Variants in DLGAP4 observed in about 807,000 individuals in gnomAD.
The protein encoded by DLGAP4 is disks large-associated protein 4.
DLGAP4 carries 18 observed loss-of-function variants against 86.9 expected under a neutral mutation model. The ratio of observed to expected loss-of-function variants is 0.21; its 90% CI spans 0.14 to 0.31. The LOEUF (loss-of-function observed/expected upper bound fraction) is 0.31, where lower values mean the gene tolerates loss of function less well. DLGAP4 is among the 10% of genes least tolerant of loss of function. The pLI is 1.00. For synonymous variants in DLGAP4, 548 were observed against 574.3 expected (o/e 0.95, Z 0.65); for missense variants, 1,085 against 1,362.6 (o/e 0.80, Z 3.21).
At chr20:36,404,736 A>G (rs1293592636) in intron 2 of DLGAP4, among the ~76,000 whole-genome samples, 1 of 148,846 alleles carries the variant, frequency 6.7e-6, no homozygotes, top group East Asian at 2.0e-4. Context: ...ATGTTTACAA[A>G]TATTTGTTGG....
At chr20:36,330,047 A>AAGACACAC (rs1251829741) in intron 1 of DLGAP4, among the ~76,000 whole-genome samples, 1 of 152,048 alleles carries the variant, frequency 6.6e-6, no homozygotes, top group Non-Finnish European at 1.5e-5. Flanking sequence ...AAAAGACTGA[A>AAGACACAC]AGACACACAC....
At chr20:36,444,096 A>G (rs1285319460) in intron 6 of DLGAP4, among the ~76,000 whole-genome samples, 2 of 152,212 alleles carry the variant, frequency 1.3e-5, no homozygotes, top group Non-Finnish European at 2.9e-5. Flanking sequence ...GGGTCTCTTC[A>G]TAACTTCAGG....
chr20:36,523,568 G>C (rs1214821404), intron 10 of DLGAP4, among the ~76,000 whole-genome samples: 1 of 152,158 alleles, frequency 6.6e-6, no homozygotes, highest in Non-Finnish European at 1.5e-5. Context: ...CCTGTTCTTT[G>C]AAAGTTTTTA....
Position 36,436,263 on chromosome 20 carries a change from C to G in DLGAP4, c.1154C>G (p.Pro385Arg). 6.2e-7 allele frequency: 1 copy of G among 1,605,938 alleles called. No homozygotes were observed. The change falls in exon 4 of 13, where the codon CCC becomes CGC. Residue 385 changes from proline to arginine, a missense_variant. Coordinates refer to ENST00000339266, the MANE Select transcript of DLGAP4 (RefSeq NM_001365621.2). Reference protein sequence around the residue: ...DEDSDESGGSPKPSPKTAARR... With the variant: ...DEDSDESGGSRKPSPKTAARR... ...GACAGCGACGAGTCCGGCGGCAGCCCCAAGCCCTCACCCAAGACCGCGGCG... is the reference window on the plus strand; with the variant it reads ...GACAGCGACGAGTCCGGCGGCAGCCGCAAGCCCTCACCCAAGACCGCGGCG...
At chr20:36,424,393 G>A (rs1207648906) in intron 2 of DLGAP4, among the ~76,000 whole-genome samples, 1 of 152,174 alleles carries the variant, frequency 6.6e-6, no homozygotes, top group Non-Finnish European at 1.5e-5. Context: ...AGCAGGTCAG[G>A]GTGGGTGGGA....
chr20:36,502,036 T>C (rs936690451), intron 10 of DLGAP4, among the ~76,000 whole-genome samples: 3 of 152,224 alleles, frequency 2.0e-5, no homozygotes, highest in African/African-American at 7.2e-5. Flanking sequence ...ATATATCTTT[T>C]AAAAAATGTG....
intron 1 of DLGAP4, among the ~76,000 whole-genome samples, chr20:36,307,969 C>T (rs2065020026): frequency 6.6e-6 from 1 of 152,224 alleles, no homozygotes; most frequent in Non-Finnish European, 1.5e-5. Context: ...CTGCCTGGTC[C>T]CAGGGTGGGG....
chr20:36,348,531 G>A (rs566020964), intron 1 of DLGAP4, among the ~76,000 whole-genome samples: 19 of 151,786 alleles, frequency 1.3e-4, no homozygotes, highest in African/African-American at 3.6e-4. Flanking sequence ...CAATTCTCCC[G>A]CCTCAGCCTC....
intron 5 of DLGAP4, among the ~76,000 whole-genome samples, chr20:36,442,441 G>T (rs986828855): frequency 6.6e-6 from 1 of 152,136 alleles, no homozygotes; most frequent in African/African-American, 2.4e-5. Context: ...TGATCCACCC[G>T]CCTCGACCTC....
rs555699808 is a variant in DLGAP4 at position 36,333,166 on chromosome 20, C to T, written c.-304+26654C>T. On this transcript the variant is annotated intron_variant, in intron 1 of 12. Coordinates refer to ENST00000339266, the MANE Select transcript of DLGAP4 (RefSeq NM_001365621.2). ...GAGACCTTGGCCTTGCAGTGGATTC[C>T]GAGGCCATCTGGTCCCACTTTGAGG... 5.3e-5 allele frequency among the ~76,000 whole-genome samples: 8 copies of T among 152,146 alleles called. No homozygotes were observed. In the East Asian group the frequency reaches 1.4e-3, roughly 26 times the overall value.
chr20:36,475,177 G>A (rs2034854029), intron 7 of DLGAP4, among the ~76,000 whole-genome samples: 1 of 152,164 alleles, frequency 6.6e-6, no homozygotes. Context: ...AAAGAGGTGT[G>A]ATAATGAATG....
rs746302526 is a variant in DLGAP4 at position 36,500,508 on chromosome 20, C to T, written c.2409C>T (p.Asp803=). 5.5e-5 allele frequency: 87 copies of T among 1,592,116 alleles called. 1 individual carries two copies. Among genetic ancestry groups the T allele is most frequent in the African/African-American group, 9.4e-5 (7 of 74,148 alleles). ...EPAQPGACRR[D]GYWFLKLLQA... ...CACAGCCAGGGGCCTGCCGCCGAGA[C>T]GGCTACTGGTTCCTAAAGCTACTGC... Residue 803 remains aspartate (D), a synonymous_variant, in exon 10 of 13, where the codon GAC becomes GAT. Coordinates refer to ENST00000339266, the MANE Select transcript of DLGAP4 (RefSeq NM_001365621.2). This position sits in a 1 kb window ranked among gnomAD's most constrained non-coding sequence, Gnocchi z 4.6.
intron 2 of DLGAP4, among the ~76,000 whole-genome samples, chr20:36,402,750 AAT>A (rs1491133666): frequency 6.6e-6 from 1 of 152,082 alleles, no homozygotes; most frequent in African/African-American, 2.4e-5. Context: ...CATAAAAAAA[AAT>A]TTTTTTTTAT....
chr20:36,423,310 GC>G (rs2032880140), intron 2 of DLGAP4, among the ~76,000 whole-genome samples: 1 of 151,594 alleles, frequency 6.6e-6, no homozygotes, highest in Admixed American at 6.6e-5. Flanking sequence ...ACAAAAATTA[GC>G]CAGGCGTGGT....
In DLGAP4 at chr20:36,432,127, G is replaced by C; in HGVS notation, c.410G>C (p.Gly137Ala). The change falls in exon 3 of 13, where the codon GGC (glycine) becomes GCC (alanine). Residue 137 changes from glycine to alanine, a missense_variant. Coordinates refer to ENST00000339266, the MANE Select transcript of DLGAP4 (RefSeq NM_001365621.2). This position sits in a 1 kb window ranked among gnomAD's most constrained non-coding sequence, Gnocchi z 6.5. The part of the protein sequence containing the change: ...GEAKARGESP[G>A]RIRHLVHSVQ... ...GCCAAGGCCCGTGGTGAGAGCCCTG[G>C]CCGCATCCGCCACCTGGTCCACTCA... is the stretch of plus-strand genomic sequence containing the variant. 1 of 1,614,182 alleles carries C rather than the reference G, an allele frequency of 6.2e-7. No homozygotes were observed. Among genetic ancestry groups the C allele is most frequent in the South Asian group, 1.1e-5 (1 of 91,086 alleles).
At chr20:36,435,934 A>G (rs1290678385) in intron 3 of DLGAP4, among the ~76,000 whole-genome samples, 175 bp from the exon 4 acceptor site, 8 of 152,108 alleles carry the variant, frequency 5.3e-5, no homozygotes, top group Non-Finnish European at 1.2e-4. Context: ...GAACCCCGGT[A>G]TTCCTCCCAG....
chr20:36,385,982 C>T (rs1569481275), intron 2 of DLGAP4, among the ~76,000 whole-genome samples: 1 of 152,180 alleles, frequency 6.6e-6, no homozygotes, highest in African/African-American at 2.4e-5. Flanking sequence ...CAAAGCCTGG[C>T]ACTAAAGCAG....
intron 2 of DLGAP4, among the ~76,000 whole-genome samples, chr20:36,401,925 G>A (rs1293465794): frequency 6.6e-6 from 1 of 152,218 alleles, no homozygotes; most frequent in East Asian, 1.9e-4. Context: ...AAAGTGCTTG[G>A]TGAGTTGAAG....
intron 1 of DLGAP4, among the ~76,000 whole-genome samples, chr20:36,326,996 CTTTTTTTTTTTT>C (rs377378667): frequency 1.0e-4 from 10 of 99,480 alleles, no homozygotes; most frequent in African/African-American, 1.3e-4. Context: ...AAGATTTTCT[CTTTTTTTTTTTT>C]TTTTTTTTTT....
Sources: allele counts gnomAD v4.1 joint callset (sites outside exome capture counted in the v4.1 genomes callset), GRCh38; gene constraint gnomAD v4.1.1; non-coding constraint Gnocchi (gnomAD v3.1); transcripts MANE v1.5; gene names NCBI Gene and HGNC (gene_info 2026-07-23, HGNC 2026-07-21).